The following PDE1C variants were observed in gnomAD, a reference collection of about 807,000 sequenced individuals.
PDE1C encodes phosphodiesterase 1C, also known as dual specificity calcium/calmodulin-dependent 3',5'-cyclic nucleotide phosphodiesterase 1C.
Under a neutral mutation model 93.1 loss-of-function variants are expected in PDE1C, and 62 were observed. The ratio of observed to expected loss-of-function variants is 0.67; its 90% CI spans 0.54 to 0.82. PDE1C has a LOEUF of 0.82. PDE1C is among the 40% of genes least tolerant of loss of function. The probability of loss-of-function intolerance (pLI) is 0.00; values close to 1 mark genes in which losing one functional copy is unlikely to be tolerated. For synonymous variants in PDE1C, 325 were observed against 310.1 expected, an observed-to-expected ratio of 1.05 and a Z score of -0.50; for missense variants, 742 against 884.6, an observed-to-expected ratio of 0.84 and a Z score of 2.04.
At chr7:31,967,944 T>G (rs887769448) in intron 2 of PDE1C, among the ~76,000 whole-genome samples, 1 of 152,194 alleles carries the variant, frequency 6.6e-6, no homozygotes, top group Non-Finnish European at 1.5e-5. Flanking sequence ...AATTAGGTAT[T>G]GATGGCACGT....
chr7:32,176,203 T>C (rs766989754), intron 2 of PDE1C, among the ~76,000 whole-genome samples: 8 of 152,208 alleles, frequency 5.3e-5, no homozygotes, highest in Non-Finnish European at 1.2e-4. Context: ...TACATTTATG[T>C]AATGGATTGC....
chr7:31,873,217 C>T lies in PDE1C; in HGVS notation c.609+75G>A. The T allele has an allele frequency of 4.5e-6, 4 of 897,604 alleles. No homozygotes were observed. In the South Asian group the frequency reaches 6.4e-5, roughly 14 times the overall value. The allele number at this position is 897,604 out of a possible 1,614,324, so 55.6% of individuals were successfully genotyped here. A position where few individuals can be genotyped will look rare whatever the true frequency, so the allele number is the denominator to read the frequency against. ...TTTTCATTCCGCATATTAAAATAGT[C>T]TGAACCCAAAAGTCATATGAGGATA... On this transcript the variant is annotated intron_variant, in intron 6 of 17. Coordinates refer to ENST00000396191, the MANE Select transcript of PDE1C (RefSeq NM_001191057.4).
In PDE1C at chr7:32,297,664, C is replaced by G. The variant is rs185360243; in HGVS notation, c.85+987G>C. ...TGGTCCTGCTGCTCCCTGAAGGTCC[C>G]CAAAACCCCCTCTGGTCCCCCTCTT... On this transcript the variant is annotated intron_variant, in intron 1 of 18. Transcript: ENST00000396193. Among the ~76,000 whole-genome samples, 586 of 152,242 alleles carry G rather than the reference C, an allele frequency of 3.8e-3. 6 individuals are homozygous for G. Among genetic ancestry groups the G allele is most frequent in the African/African-American group, 0.013 (553 of 41,548 alleles).
chr7:31,926,858 C>G (rs536757632), intron 2 of PDE1C, among the ~76,000 whole-genome samples: 122 of 152,306 alleles, frequency 8.0e-4, no homozygotes, highest in Non-Finnish European at 1.7e-3. Context: ...AAGCACAAAA[C>G]TATGTGGTCA....
At chr7:32,247,552 T>C (rs904574609) in intron 1 of PDE1C, among the ~76,000 whole-genome samples, 1 of 152,210 alleles carries the variant, frequency 6.6e-6, no homozygotes, top group African/African-American at 2.4e-5. Flanking sequence ...CAACTTATAA[T>C]GGCTCAACTT....
chr7:32,087,395 T>G (rs932245840), intron 3 of PDE1C, among the ~76,000 whole-genome samples: 1 of 152,142 alleles, frequency 6.6e-6, no homozygotes, highest in Non-Finnish European at 1.5e-5. Context: ...ACTTTTACAC[T>G]GTTGGTGGGA....
chr7:32,135,099 A>C (rs1200316847), intron 3 of PDE1C, among the ~76,000 whole-genome samples: 3 of 152,146 alleles, frequency 2.0e-5, no homozygotes, highest in African/African-American at 7.2e-5. Flanking sequence ...TGAGGAAAGA[A>C]AAGAAGGCCA....
At chr7:31,685,391 A>G in the PDE1C span, among the ~76,000 whole-genome samples, 1 of 152,210 alleles carries the variant, frequency 6.6e-6, no homozygotes, top group African/African-American at 2.4e-5. Context: ...GTTTCATAAG[A>G]TGTTACCATT....
Position 32,094,107 on chromosome 7 carries a change from A to G in PDE1C, c.308+75678T>C, listed in dbSNP as rs139376526. Among the ~76,000 whole-genome samples the G allele has an allele frequency of 1.9e-3, 293 of 152,334 alleles. 5 individuals are homozygous for G. The highest frequency in any genetic ancestry group is 1.9e-3 in the East Asian group (10 of 5,188). ...GCATAGGTGTGCTGGTAAATGTCTAACAACTGGCTCTCAAGATTGGAAGTG... is the reference window on the plus strand; with the variant it reads ...GCATAGGTGTGCTGGTAAATGTCTAGCAACTGGCTCTCAAGATTGGAAGTG... On this transcript the variant is annotated intron_variant, in intron 3 of 18. Coordinates refer to the PDE1C transcript ENST00000396193.
At chr7:32,371,977 C>T (rs1585129920) in intron 1 of PDE1C, among the ~76,000 whole-genome samples, 1 of 151,430 alleles carries the variant, frequency 6.6e-6, no homozygotes, top group East Asian at 1.9e-4. Flanking sequence ...GCAGTACAGA[C>T]ATAAGGATAG....
intron 2 of PDE1C, among the ~76,000 whole-genome samples, chr7:32,006,130 C>T (rs1235206557): frequency 6.6e-6 from 1 of 152,064 alleles, no homozygotes; most frequent in Non-Finnish European, 1.5e-5. Context: ...AGAAAAGACA[C>T]AGGAGTTTTA....
At chr7:31,794,037 T>TAGAC (rs1554335933) in intron 16 of PDE1C, among the ~76,000 whole-genome samples, 1,751 of 105,192 alleles carry the variant, frequency 0.017, 12 homozygotes, top group East Asian at 0.034. Flanking sequence ...GATAGATAGA[T>TAGAC]AGATAGACAG....
chr7:31,664,155 C>T, the PDE1C span, among the ~76,000 whole-genome samples: 2 of 152,178 alleles, frequency 1.3e-5, no homozygotes, highest in African/African-American at 4.8e-5. Context: ...CCATGGCCAG[C>T]TCTGTCATGC....
At position 32,420,078 on chromosome 7, in the gene PDE1C, G is replaced by T. The variant is rs368841827; in HGVS notation, c.310+7744C>A. On this transcript the variant is annotated intron_variant, in intron 1 of 1. Transcript: ENST00000672256. The stretch of plus-strand genomic sequence containing the variant: ...TGTCTCTACTAAAAATACAAAAATA[G>T]CCAGGTGTGGTGGCATATATATATA... 8.0e-5 allele frequency among the ~76,000 whole-genome samples: 9 copies of T among 113,200 alleles called. No homozygotes were observed. In the East Asian group the frequency reaches 8.6e-4, roughly 11 times the overall value. The allele number at this position is 113,200 out of a possible 152,430, so 74.3% of individuals were successfully genotyped here. A position where few individuals can be genotyped will look rare whatever the true frequency, so the allele number is the denominator to read the frequency against.
intron 1 of PDE1C, among the ~76,000 whole-genome samples, chr7:32,309,400 G>A (rs1463334465): frequency 2.0e-5 from 3 of 152,116 alleles, no homozygotes; most frequent in Non-Finnish European, 2.9e-5. Context: ...TACAGAGAAA[G>A]CCACAAAGAT....
intron 2 of PDE1C, among the ~76,000 whole-genome samples, chr7:31,983,483 C>G (rs541147954): frequency 6.6e-6 from 1 of 152,264 alleles, no homozygotes; most frequent in South Asian, 2.1e-4. Context: ...ATGCCATTCA[C>G]TATCACAACT....
the PDE1C span, among the ~76,000 whole-genome samples, chr7:31,725,016 AG>A: frequency 3.3e-5 from 5 of 152,198 alleles, no homozygotes; most frequent in Non-Finnish European, 4.4e-5. Context: ...TATAAAACAC[AG>A]GGCATATGGT....
chr7:32,152,506 AC>A (rs944021476), intron 3 of PDE1C, among the ~76,000 whole-genome samples: 1 of 152,062 alleles, frequency 6.6e-6, no homozygotes, highest in Non-Finnish European at 1.5e-5. Context: ...GTTGCATGAA[AC>A]CTAAGGGTTC....
chr7:31,855,762 A>G (rs1336455001), intron 7 of PDE1C, among the ~76,000 whole-genome samples: 1 of 148,542 alleles, frequency 6.7e-6, no homozygotes, highest in African/African-American at 2.4e-5. Flanking sequence ...AAAAATAAAT[A>G]AAAATAAGAT....
Sources: allele counts gnomAD v4.1 joint callset (sites outside exome capture counted in the v4.1 genomes callset), GRCh38; gene constraint gnomAD v4.1.1; transcripts MANE v1.5; gene names NCBI Gene and HGNC (gene_info 2026-07-23, HGNC 2026-07-21).